Variants in KLC2 observed in about 807,000 individuals in gnomAD.
The protein encoded by KLC2 is kinesin light chain 2.
A neutral mutation model predicts 75.1 loss-of-function variants in KLC2; 35 were observed. The ratio of observed to expected loss-of-function variants is 0.47; its 90% CI spans 0.36 to 0.62. The LOEUF (loss-of-function observed/expected upper bound fraction) is 0.62, where lower values mean the gene tolerates loss of function less well. Ranked by LOEUF, KLC2 falls within the 20% of genes least tolerant of loss-of-function variation. The pLI is 0.00. For missense variants in KLC2, 611 were observed against 833.2 expected (o/e 0.73, Z 3.28); for synonymous variants, 314 against 336.7 (o/e 0.93, Z 0.74).
the KLC2 span, among the ~76,000 whole-genome samples, chr11:66,250,382 G>A: frequency 7.2e-5 from 11 of 152,264 alleles, no homozygotes; most frequent in African/African-American, 2.4e-4. Flanking sequence ...CTCGTCCAAT[G>A]CACACATATC....
chr11:66,261,711 C>A (rs1350371042), intron 2 of KLC2, 31 bp from the exon 3 acceptor site: 8 of 1,499,288 alleles, frequency 5.3e-6, no homozygotes, highest in Non-Finnish European at 7.4e-6. Context: ...GGTCGACAGG[C>A]CTCCGACCCT....
At chr11:66,254,570 C>T (rs1028192911), upstream of KLC2, among the ~76,000 whole-genome samples, 5 of 146,904 alleles carry the variant, frequency 3.4e-5, no homozygotes, top group Admixed American at 2.8e-4. Context: ...GAGGCTGAGG[C>T]GGGAGGATCA....
chr11:66,259,648 G>A (rs1369438589), intron 2 of KLC2: 1 of 152,242 alleles, frequency 6.6e-6, no homozygotes, highest in East Asian at 1.9e-4. Flanking sequence ...TCTGACTTGA[G>A]TTTCTAAAAA....
At chr11:66,247,449 C>T in the KLC2 span, among the ~76,000 whole-genome samples, 2 of 152,196 alleles carry the variant, frequency 1.3e-5, no homozygotes, top group Admixed American at 1.3e-4. Context: ...ATTCCTCTTA[C>T]GCTTCCCCTC....
At position 66,265,246 on chromosome 11, in the gene KLC2, C is replaced by T. The variant is rs370244826; in HGVS notation, c.1334+11C>T. 1.0e-4 allele frequency: 72 copies of T among 703,152 alleles called. No homozygotes were observed. Among genetic ancestry groups the T allele is most frequent in the African/African-American group, 2.6e-4 (14 of 54,444 alleles). 43.6% of individuals were successfully genotyped at this position (703,152 alleles called of 1,614,324 possible). A position where few individuals can be genotyped will look rare whatever the true frequency, so the allele number is the denominator to read the frequency against. On this transcript the variant is annotated intron_variant, in intron 11 of 15. Transcript: ENST00000394067. ...CTGTAAAGTAGACAGGTGAGTGGGG[C>T]GGGGCTGGGCTGGGGAGCAGGGCAC...
chr11:66,247,203 CTGCGATTATCTCT>C, the KLC2 span, among the ~76,000 whole-genome samples: 4 of 152,218 alleles, frequency 2.6e-5, no homozygotes, highest in Non-Finnish European at 5.9e-5. Flanking sequence ...CCTTCCTCTA[CTGCGATTATCTCT>C]TGTCTGGATA....
intron 6 of KLC2, 49 bp downstream of exon 6, chr11:66,263,796 G>A (rs1856607964): frequency 4.4e-6 from 7 of 1,604,674 alleles, no homozygotes; most frequent in Non-Finnish European, 6.0e-6. Context: ...ATCCCCTGCA[G>A]GTCCCAGAGT....
intron 4 of KLC2, 188 bp from the exon 5 acceptor site, chr11:66,262,626 G>A: frequency 1.7e-6 from 1 of 597,248 alleles, no homozygotes; most frequent in Non-Finnish European, 3.0e-6. Context: ...CTGAAGTACT[G>A]GAGCTGGGCC....
At chr11:66,248,923 T>G in the KLC2 span, among the ~76,000 whole-genome samples, 2 of 151,886 alleles carry the variant, frequency 1.3e-5, no homozygotes, top group Admixed American at 1.3e-4. Flanking sequence ...TTTTCTTTCG[T>G]TTTTTTTGGT....
At chr11:66,257,475 T>C (rs563777189), upstream of KLC2, 4 of 152,380 alleles carry the variant, frequency 2.6e-5, no homozygotes, top group South Asian at 4.1e-4. Context: ...GATGGCGCCA[T>C]GGCGCCACAC....
the KLC2 span, among the ~76,000 whole-genome samples, chr11:66,248,539 C>A: frequency 6.6e-6 from 1 of 152,278 alleles, no homozygotes; most frequent in African/African-American, 2.4e-5. Context: ...ATCGCTTGAA[C>A]CCGGGAGGCG....
Position 66,263,092 on chromosome 11 carries a change from C to G in KLC2, c.752+56C>G. 3 of 1,360,078 alleles carry G rather than the reference C, an allele frequency of 2.2e-6. No individual in the cohort carries two copies. In the Admixed American group the frequency reaches 5.5e-5, roughly 25 times the overall value. 84.3% of individuals were successfully genotyped at this position (1,360,078 alleles called of 1,614,324 possible). ...TCTGGAAGGCTCCAGCCCTGGATCACTAACCCTTGGTGCCTGCTGTGGGCC... is the reference window on the plus strand; with the variant it reads ...TCTGGAAGGCTCCAGCCCTGGATCAGTAACCCTTGGTGCCTGCTGTGGGCC... On this transcript the variant is annotated intron_variant, in intron 5 of 15. Transcript: ENST00000394067.
In KLC2 at chr11:66,266,990, C is replaced by T. The variant is rs767044209; in HGVS notation, c.*34C>T. The T allele has an allele frequency of 6.2e-7, 1 of 1,608,284 alleles. No individual in the cohort carries two copies. Among genetic ancestry groups the T allele is most frequent in the Non-Finnish European group, 8.5e-7 (1 of 1,179,834 alleles). ...GGGCAGCCAGTCACCAGAGCGCCCA[C>T]CTGGCACACCCCCCTCACCCCAGCC... is the stretch of plus-strand genomic sequence containing the variant. On this transcript the variant is annotated 3_prime_UTR_variant, in exon 16 of 16. Transcript: ENST00000394067.
chr11:66,259,781 T>G, intron 2 of KLC2: 1 of 152,052 alleles, frequency 6.6e-6, no homozygotes, highest in East Asian at 1.9e-4. Context: ...AATTAAGGGG[T>G]GGCTATGACG....
upstream of KLC2, among the ~76,000 whole-genome samples, chr11:66,255,257 T>C (rs1163229092): frequency 6.6e-6 from 1 of 152,216 alleles, no homozygotes; most frequent in African/African-American, 2.4e-5. Flanking sequence ...ATGATGTTAT[T>C]TCTGCTCACT....
At chr11:66,248,682 T>C in the KLC2 span, among the ~76,000 whole-genome samples, 1 of 152,200 alleles carries the variant, frequency 6.6e-6, no homozygotes, top group African/African-American at 2.4e-5. Flanking sequence ...CCTTTCTCCA[T>C]TTCAGACTCC....
chr11:66,262,856 G>T lies in KLC2; in HGVS notation c.572G>T (p.Gly191Val). Residue 191 changes from glycine to valine, a missense_variant, in exon 5 of 16, where the codon GGC (glycine) becomes GTC (valine). Transcript: ENST00000394067. ...GGGGATGTGTCTGGTCAGCATGGGG[G>T]CTACGAGATCCCGGCCCGGCTCCGC... ...GGGDVSGQHG[G>V]YEIPARLRTL... The T allele has an allele frequency of 6.2e-7, 1 of 1,613,440 alleles. No individual in the cohort carries two copies. The highest frequency in any genetic ancestry group is 1.1e-5 in the South Asian group (1 of 91,056).
In KLC2 at chr11:66,262,965, C is replaced by G; in HGVS notation, c.681C>G (p.Asp227Glu). The G allele has an allele frequency of 6.2e-7, 1 of 1,614,046 alleles. No individual in the cohort carries two copies. The highest frequency in any genetic ancestry group is 8.5e-7 in the Non-Finnish European group (1 of 1,179,968). Reference sequence around the variant, plus strand: ...CACTCTGCAAGCAGGCACTCGAAGACCTGGAGAAGACGTCAGGCCACGACC... The same window carrying G: ...CACTCTGCAAGCAGGCACTCGAAGAGCTGGAGAAGACGTCAGGCCACGACC... ...AVPLCKQALEDLEKTSGHDHP... is the reference protein window; with the variant it reads ...AVPLCKQALEELEKTSGHDHP... Residue 227 changes from aspartate to glutamate, a missense_variant, in exon 5 of 16, where the codon GAC becomes GAG. By Grantham distance (45) the Asp-to-Glu change is conservative. Transcript: ENST00000394067.
Position 66,266,506 on chromosome 11 carries a change from T to A in KLC2, c.1785+16T>A. The A allele has an allele frequency of 6.2e-7, 1 of 1,612,366 alleles. No individual in the cohort carries two copies. Among genetic ancestry groups the A allele is most frequent in the Non-Finnish European group, 8.5e-7 (1 of 1,179,058 alleles). On this transcript the variant is annotated intron_variant, in intron 15 of 15. Transcript: ENST00000394067. The stretch of plus-strand genomic sequence containing the variant: ...GCCGACCCAGGTAGGGGCAGGCGGG[T>A]GTCTGGGCACTGGGCAGCTGCGGCC...
Sources: allele counts gnomAD v4.1 joint callset (sites outside exome capture counted in the v4.1 genomes callset), GRCh38; gene constraint gnomAD v4.1.1; transcripts MANE v1.5; gene names NCBI Gene and HGNC (gene_info 2026-07-23, HGNC 2026-07-21).